RNF216: variants seen among roughly 807,000 people sequenced by gnomAD.
The protein encoded by RNF216 is ring finger protein 216.
A neutral mutation model predicts 110.8 loss-of-function variants in RNF216; 72 were observed. The observed-to-expected ratio is 0.65, with a 90% CI of 0.54 to 0.79. The LOEUF is 0.79. RNF216 is among the 30% of genes least tolerant of loss of function. The probability of loss-of-function intolerance (pLI) is 0.00; values close to 1 mark genes in which losing one functional copy is unlikely to be tolerated. For synonymous variants in RNF216, 495 were observed against 407.5 expected (o/e 1.21, Z -2.59); for missense variants, 1,342 against 1,141.2 (o/e 1.18, Z -2.54).
chr7:5,685,921 A>C (rs1422455433), intron 13 of RNF216, among the ~76,000 whole-genome samples: 1 of 152,180 alleles, frequency 6.6e-6, no homozygotes, highest in East Asian at 1.9e-4. Flanking sequence ...GACCTTGTAG[A>C]AAACGATGTA....
At chr7:5,713,718 A>G (rs1792866046) in intron 11 of RNF216, among the ~76,000 whole-genome samples, 1 of 152,258 alleles carries the variant, frequency 6.6e-6, no homozygotes, top group Admixed American at 6.5e-5. Context: ...TTCCCACATG[A>G]AAGACAAACA....
At chr7:5,759,143 C>G (rs961333957) in intron 2 of RNF216, among the ~76,000 whole-genome samples, 16 of 152,158 alleles carry the variant, frequency 1.1e-4, no homozygotes, top group African/African-American at 3.4e-4. Context: ...TGTTCCTGCT[C>G]CAGCCATGTG....
At chr7:5,677,793 A>T (rs932079315) in intron 13 of RNF216, among the ~76,000 whole-genome samples, 1 of 152,206 alleles carries the variant, frequency 6.6e-6, no homozygotes, top group Non-Finnish European at 1.5e-5. Context: ...AGGGTTGTCT[A>T]TGCAGAGACC....
At chr7:5,755,261 AG>A (rs1795573999) in intron 2 of RNF216, among the ~76,000 whole-genome samples, 2 of 151,888 alleles carry the variant, frequency 1.3e-5, no homozygotes, top group East Asian at 3.9e-4. Flanking sequence ...GAAGGAAGGA[AG>A]GAAGGAACCT....
In RNF216 at chr7:5,621,060, A is replaced by G. The variant is rs1001461706; in HGVS notation, c.*1800T>C. ...GTATGGGCGCCAGCAAGGACATAGC[A>G]GCAGGCTGCCCCCAAGCCCGGCCTC... On this transcript the variant is annotated 3_prime_UTR_variant, in exon 17 of 17. Transcript: ENST00000389902. The G allele has an allele frequency of 3.9e-5, 6 of 152,288 alleles. No individual in the cohort carries two copies. The highest frequency in any genetic ancestry group is 1.4e-4 in the African/African-American group (6 of 41,446). The allele number at this position is 152,288 out of a possible 1,614,324, so 9.4% of individuals were successfully genotyped here.
rs750632489 is a variant in RNF216, at chr7:5,712,798, C to A, written c.1899G>T (p.Val633=). The A allele has an allele frequency of 1.4e-5, 23 of 1,613,864 alleles. No homozygotes were observed. The Admixed American group carries it at 3.0e-4, about 21-fold the overall frequency. Residue 633 remains valine (V), a synonymous_variant, in exon 12 of 17, where the codon GTG becomes GTT. Transcript: ENST00000389902. ...CSFPTSELEK[V]LPQTILYKYY... The stretch of plus-strand genomic sequence containing the variant: ...ACTTATACAGGATGGTCTGGGGGAG[C>A]ACCTTCTCCAGCTCACTGGTTGGGA...
chr7:5,673,551 A>G (rs1399912456), intron 13 of RNF216, among the ~76,000 whole-genome samples: 1 of 152,210 alleles, frequency 6.6e-6, no homozygotes, highest in Non-Finnish European at 1.5e-5. Flanking sequence ...CAGGGAAGAG[A>G]GCAAGTTGCA....
chr7:5,743,954 G>T (rs1794902898), intron 3 of RNF216, among the ~76,000 whole-genome samples: 1 of 152,158 alleles, frequency 6.6e-6, no homozygotes, highest in Non-Finnish European at 1.5e-5. Flanking sequence ...ACATCATACA[G>T]AATCCCAAAA....
intron 13 of RNF216, among the ~76,000 whole-genome samples, chr7:5,676,876 G>C (rs1446906138): frequency 2.0e-5 from 3 of 152,180 alleles, no homozygotes; most frequent in South Asian, 4.1e-4. Context: ...CTATGACCAG[G>C]TGTGCATCCA....
intron 3 of RNF216, among the ~76,000 whole-genome samples, chr7:5,751,657 C>T (rs77804903): frequency 0.016 from 2,463 of 152,034 alleles, 29 homozygotes; most frequent in Non-Finnish European, 0.023. Flanking sequence ...CCTGTCCCAG[C>T]CTGACAAGAA....
chr7:5,711,759 A>G lies in RNF216; in HGVS notation c.2061+2T>C. On this transcript the variant is annotated splice_donor_variant, in intron 13 of 16. Transcript: ENST00000389902. LOFTEE classifies it high-confidence loss of function. ...CATCTAGAAAAAAATGTGCCTCCCTACCTTTCGGCAGTGAGGATTAGGACA... is the reference window on the plus strand; with the variant it reads ...CATCTAGAAAAAAATGTGCCTCCCTGCCTTTCGGCAGTGAGGATTAGGACA... The G allele has an allele frequency of 1.2e-6, 2 of 1,611,920 alleles. No homozygotes were observed. The highest frequency in any genetic ancestry group is 1.7e-6 in the Non-Finnish European group (2 of 1,178,826).
At chr7:5,691,352 C>A (rs1791326898) in intron 13 of RNF216, among the ~76,000 whole-genome samples, 1 of 152,186 alleles carries the variant, frequency 6.6e-6, no homozygotes, top group Non-Finnish European at 1.5e-5. Flanking sequence ...TTAGTAATGT[C>A]AGTGTTCCTG....
chr7:5,738,652 G>C, intron 5 of RNF216, among the ~76,000 whole-genome samples: 1 of 146,866 alleles, frequency 6.8e-6, no homozygotes, highest in East Asian at 2.0e-4. Flanking sequence ...AGCTTGCAGT[G>C]AGCCGAGATC....
intron 15 of RNF216, among the ~76,000 whole-genome samples, chr7:5,629,495 T>C (rs372763748): frequency 5.3e-4 from 80 of 151,940 alleles, no homozygotes; most frequent in African/African-American, 1.8e-3. Flanking sequence ...AATTGTAAAC[T>C]TAAAAATGGC....
At position 5,620,089 on chromosome 7, in the gene RNF216, A is replaced by C. The variant is rs1316631634; in HGVS notation, c.*2771T>G. ...ATTTATTTACAAAAGTCCCAGTTAC[A>C]TATGATACAGGCTTTTTACACACAG... On this transcript the variant is annotated 3_prime_UTR_variant, in exon 17 of 17. Transcript: ENST00000389902. The C allele has an allele frequency of 6.6e-6, 1 of 152,268 alleles. No homozygotes were observed. The highest frequency in any genetic ancestry group is 2.4e-5 in the African/African-American group (1 of 41,466). 9.4% of individuals were successfully genotyped at this position (152,268 alleles called of 1,614,324 possible).
At chr7:5,634,705 G>A (rs1480308458) in intron 15 of RNF216, among the ~76,000 whole-genome samples, 1 of 152,240 alleles carries the variant, frequency 6.6e-6, no homozygotes, top group Non-Finnish European at 1.5e-5. Flanking sequence ...ACCTGGAGAT[G>A]GGGGCAGAAT....
At chr7:5,760,902 G>A in intron 2 of RNF216, 101 bp downstream of exon 2, 3 of 913,446 alleles carry the variant, frequency 3.3e-6, no homozygotes, top group Non-Finnish European at 5.1e-6. Context: ...AATGTCCCTG[G>A]ATTCTAAATG....
intron 13 of RNF216, among the ~76,000 whole-genome samples, chr7:5,709,769 T>G (rs1469142023): frequency 6.6e-6 from 1 of 152,198 alleles, no homozygotes; most frequent in East Asian, 1.9e-4. Context: ...ATTTTTTTCT[T>G]TTAAAGACAG....
At chr7:5,708,502 T>G (rs538904484) in intron 13 of RNF216, among the ~76,000 whole-genome samples, 1 of 152,216 alleles carries the variant, frequency 6.6e-6, no homozygotes, top group Admixed American at 6.5e-5. Flanking sequence ...GTAGAAACTG[T>G]AATTCAAGTA....
Sources: allele counts gnomAD v4.1 joint callset (sites outside exome capture counted in the v4.1 genomes callset), GRCh38; gene constraint gnomAD v4.1.1; transcripts MANE v1.5; gene names NCBI Gene and HGNC (gene_info 2026-07-23, HGNC 2026-07-21).